Variants in NUMA1 observed in about 807,000 individuals in gnomAD.
The protein encoded by NUMA1 is SP-H antigen.
Under a neutral mutation model 237.1 loss-of-function variants are expected in NUMA1, and 62 were observed. That is an observed-to-expected ratio of 0.26 (90% confidence interval 0.21 to 0.32). The LOEUF (loss-of-function observed/expected upper bound fraction) is 0.32. Among genes scored for constraint, NUMA1 ranks in the 10% least tolerant of loss-of-function variants. NUMA1 has a pLI of 1.00. For missense variants in NUMA1, 2,533 were observed against 2,666.5 expected, an observed-to-expected ratio of 0.95 and a Z score of 1.10; for synonymous variants, 1,028 against 1,066.1, an observed-to-expected ratio of 0.96 and a Z score of 0.70.
Position 72,029,266 on chromosome 11 carries a change from G to A in NUMA1, c.67C>T (p.Pro23Ser). 6.2e-7 allele frequency: 1 copy of A among 1,609,510 alleles called. No homozygotes were observed. Among genetic ancestry groups the A allele is most frequent in the Non-Finnish European group, 8.5e-7 (1 of 1,179,602 alleles). The change falls in exon 4 of 27, where the codon CCT becomes TCT. Residue 23 changes from proline to serine, a missense_variant. Physicochemically the swap from Pro to Ser is moderately conservative, Grantham distance 74 (BLOSUM62 -1). This residue lies in a region of NUMA1 where 1,414 missense variants were observed against 1,508.1 expected (regional missense o/e 0.94). Transcript: ENST00000393695. ...TGGAGCTGCAGCACAGCCTCCACAG[G>A]GTCAGCCACGTGTAGACTGTTCACC... ...SWVNSLHVADPVEAVLQLQDC... is the reference protein window; with the variant it reads ...SWVNSLHVADSVEAVLQLQDC...
chr11:72,017,490 G>A, intron 13 of NUMA1, 197 bp downstream of exon 13: 6 of 546,492 alleles, frequency 1.1e-5, no homozygotes, highest in Non-Finnish European at 1.9e-5. Context: ...TGAGGGCATT[G>A]ACTGGGGAAA....
Position 72,021,238 on chromosome 11 carries a change from G to A in NUMA1, c.426C>T (p.Asn142=). The A allele has an allele frequency of 6.2e-7, 1 of 1,614,204 alleles. No homozygotes were observed. Among genetic ancestry groups the A allele is most frequent in the African/African-American group, 1.3e-5 (1 of 75,054 alleles). The stretch of plus-strand genomic sequence containing the variant: ...GGAAGTTCTCTAGGTCCTCATTAAG[G>A]TTTAGCCCGTCCTCATGGTCCAGCA... ...KFVLDHEDGL[N]LNEDLENFLQ... Residue 142 remains asparagine, a synonymous_variant, in exon 8 of 27, where the codon AAC becomes AAT. Transcript: ENST00000393695.
rs760257951 is a variant in NUMA1 at position 72,007,230 on chromosome 11, G to T, written c.5422C>A (p.Arg1808Ser). 5 of 1,612,776 alleles carry T rather than the reference G, an allele frequency of 3.1e-6. No individual in the cohort carries two copies. The African/African-American group carries it at 5.3e-5, about 17-fold the overall frequency. Residue 1808 changes from arginine (R) to serine (S), a missense_variant, in exon 21 of 27, where the codon CGT (arginine) becomes AGT (serine). Physicochemically the swap from Arg to Ser is moderately radical, Grantham distance 110. Around this residue, in one of 3 missense-constraint regions of NUMA1, gnomAD observed 795 missense variants for 750.8 expected, o/e 1.06. Transcript: ENST00000393695. ...LDSGRKTRSA[R>S]RRTTQIINIT... is the part of the protein sequence containing the mutation. ...TTGATGATCTGCGTGGTGCGCCGAC[G>T]AGCGGAGCGGGTCTTACGACCCGAG...
rs538276902 is a variant in NUMA1 at position 72,053,062 on chromosome 11, T to C, written c.-33+16780A>G. Among the ~76,000 whole-genome samples, 3 of 152,366 alleles carry C rather than the reference T, an allele frequency of 2.0e-5. No homozygotes were observed. In the South Asian group the frequency reaches 6.2e-4, roughly 32 times the overall value. The stretch of plus-strand genomic sequence containing the variant: ...TAGCTCTGCAACCTTGGGCAAGTTA[T>C]TTACTCTCTCTGTGCCCTCATTTTC... On this transcript the variant is annotated intron_variant, in intron 2 of 26. Transcript: ENST00000393695.
rs1053601 is a variant in NUMA1, at chr11:72,014,886, C to T, written c.2617G>A (p.Glu873Lys). The change falls in exon 15 of 27, where the codon GAA becomes AAA. Residue 873 changes from glutamate (E) to lysine (K), a missense_variant. Transcript: ENST00000393695. This position sits in a 1 kb window ranked among gnomAD's most constrained non-coding sequence, Gnocchi z 4.6. ...SELQISRQQN[E>K]LAELHANLAR... The stretch of plus-strand genomic sequence containing the variant: ...AGGTTGGCATGGAGCTCAGCTAGTT[C>T]GTTCTGCTGCCGGCTTATCTGGAGC... 3 of 1,614,102 alleles carry T rather than the reference C, an allele frequency of 1.9e-6. No homozygotes were observed. Among genetic ancestry groups the T allele is most frequent in the Non-Finnish European group, 2.5e-6 (3 of 1,180,044 alleles).
rs1356273243 is a variant in NUMA1, at chr11:72,009,129, C to T, written c.4896G>A (p.Gln1632=). ...GCTGCTCCAGGCTCCGCAGCTGCTC[C>T]TGCAGCTCTTGGTTCTGCTGCTTCT... ...DAKKQQNQEL[Q]EQLRSLEQLQ... is the part of the protein sequence containing the mutation. Residue 1632 remains glutamine, a synonymous_variant, in exon 19 of 27, where the codon CAG becomes CAA. Transcript: ENST00000393695. 1 of 1,561,868 alleles carries T rather than the reference C, an allele frequency of 6.4e-7. No individual in the cohort carries two copies. The highest frequency in any genetic ancestry group is 1.4e-5 in the African/African-American group (1 of 70,236).
rs1956214086 is a variant in NUMA1 at position 72,012,398 on chromosome 11, T to TA, written c.4650+2dup. ...AGCATTTAGCGAGGACCTCAGGCAT[T>TA]ACCTGCTTAGTTTGCTCTCTCTGAA... On this transcript the variant is annotated splice_region_variant and intron_variant, in intron 16 of 26. Coordinates refer to ENST00000393695, the MANE Select transcript of NUMA1 (RefSeq NM_006185.4). The TA allele has an allele frequency of 6.2e-7, 1 of 1,612,842 alleles. No homozygotes were observed. Among genetic ancestry groups the TA allele is most frequent in the African/African-American group, 1.3e-5 (1 of 74,902 alleles).
intron 15 of NUMA1, 61 bp downstream of exon 15, chr11:72,012,834 T>A (rs1261741287): frequency 1.3e-6 from 2 of 1,570,094 alleles, no homozygotes; most frequent in Admixed American, 3.5e-5. Flanking sequence ...ACACAGAGGA[T>A]CGATGTCCCC....
At chr11:72,052,097 A>T (rs1335640599) in intron 2 of NUMA1, among the ~76,000 whole-genome samples, 1 of 152,246 alleles carries the variant, frequency 6.6e-6, no homozygotes, top group African/African-American at 2.4e-5. Context: ...CAGGGGCAGT[A>T]GGAACTAAAA....
chr11:72,025,571 A>G (rs756619078), intron 4 of NUMA1, among the ~76,000 whole-genome samples: 11 of 152,168 alleles, frequency 7.2e-5, no homozygotes, highest in Non-Finnish European at 1.5e-4. Context: ...TAGAAAGCTG[A>G]ATTCTCTAGG....
At chr11:72,062,776 T>G (rs544100424) in intron 2 of NUMA1, 1 of 151,932 alleles carries the variant, frequency 6.6e-6, no homozygotes, top group South Asian at 2.1e-4. Context: ...AGTGGTTCTC[T>G]GGATAGGAAT....
In NUMA1 at chr11:72,002,868, G is replaced by A. The variant is rs537945669; in HGVS notation, c.*659C>T. On this transcript the variant is annotated 3_prime_UTR_variant, in exon 27 of 27. Coordinates refer to ENST00000393695, the MANE Select transcript of NUMA1 (RefSeq NM_006185.4). ...CCGATCAAGTCAACTCAGTACTCAC[G>A]GGAGAAAAATAGACTTTATTTACAA... 16 of 214,678 alleles carry A rather than the reference G, an allele frequency of 7.5e-5. No individual in the cohort carries two copies. The highest frequency in any genetic ancestry group is 1.2e-4 in the Admixed American group (2 of 17,132). 13.3% of individuals were successfully genotyped at this position (214,678 alleles called of 1,614,324 possible). A position where few individuals can be genotyped will look rare whatever the true frequency, so the allele number is the denominator to read the frequency against.
intron 7 of NUMA1, 155 bp downstream of exon 7, chr11:72,022,183 CT>C: frequency 1.7e-6 from 1 of 577,912 alleles, no homozygotes; most frequent in Non-Finnish European, 3.1e-6. Context: ...CTCCTGCATG[CT>C]TTTCAACGTT....
At position 72,014,731 on chromosome 11, in the gene NUMA1, G is replaced by A. The variant is rs527420161; in HGVS notation, c.2772C>T (p.Arg924=). ...KEVARLETLV[R]KAGEQQETAS... is the part of the protein sequence containing the mutation. ...CTGTTTCCTGCTGCTCACCTGCCTTGCGCACCAAGGTCTCCAAGCGGGCCA... is the reference window on the plus strand; with the variant it reads ...CTGTTTCCTGCTGCTCACCTGCCTTACGCACCAAGGTCTCCAAGCGGGCCA... Residue 924 remains arginine (R), a synonymous_variant, in exon 15 of 27, where the codon CGC becomes CGT. Transcript: ENST00000393695. The surrounding 1 kb of genome is among the most constrained non-coding windows in gnomAD (Gnocchi z 4.6). The A allele has an allele frequency of 1.2e-6, 2 of 1,614,078 alleles. No individual in the cohort carries two copies. Among genetic ancestry groups the A allele is most frequent in the African/African-American group, 2.7e-5 (2 of 75,076 alleles).
chr11:72,066,778 T>G (rs1943221290), intron 2 of NUMA1: 1 of 152,230 alleles, frequency 6.6e-6, no homozygotes, highest in African/African-American at 2.4e-5. Context: ...TTGTTTCATT[T>G]TACTAAACTC....
chr11:72,033,372 T>G (rs1018778261), intron 3 of NUMA1, among the ~76,000 whole-genome samples: 1 of 2,402 alleles, frequency 4.2e-4, no homozygotes, highest in East Asian at 3.9e-3. Context: ...TTGTTTTTTT[T>G]TTTTTTTTTT....
At chr11:72,070,804 T>C (rs1290325756) in intron 1 of NUMA1, among the ~76,000 whole-genome samples, 1 of 152,190 alleles carries the variant, frequency 6.6e-6, no homozygotes, top group African/African-American at 2.4e-5. Flanking sequence ...GTGGGGCACA[T>C]GGCAGATCTA....
At chr11:72,003,632 G>A in intron 26 of NUMA1, 94 bp from the exon 27 acceptor site, 3 of 1,510,752 alleles carry the variant, frequency 2.0e-6, no homozygotes, top group East Asian at 2.3e-5. Context: ...CCACGCCCCT[G>A]TCTGGATCCC....
In NUMA1 at chr11:72,003,044, G is replaced by A. The variant is rs183062716; in HGVS notation, c.*483C>T. On this transcript the variant is annotated 3_prime_UTR_variant, in exon 27 of 27. Transcript: ENST00000393695. The stretch of plus-strand genomic sequence containing the variant: ...CACTCCTGAGACATAGGGCCCATCC[G>A]TCCTGGGAAAGAGCATCCTCTGGCA... 43 of 239,552 alleles carry A rather than the reference G, an allele frequency of 1.8e-4. No homozygotes were observed. The East Asian group carries it at 2.3e-3, about 13-fold the overall frequency. The allele number at this position is 239,552 out of a possible 1,614,324, so 14.8% of individuals were successfully genotyped here.
Sources: gnomAD v4.1 joint callset for allele counts (sites outside exome capture counted in the v4.1 genomes callset) on GRCh38, gnomAD v4.1.1 for gene constraint, gnomAD v4.1.1 regional missense constraint, Gnocchi (gnomAD v3.1) non-coding constraint, MANE v1.5 for transcripts, NCBI Gene and HGNC (gene_info 2026-07-23, HGNC 2026-07-21) for gene names.